PRKCSH: variants seen among roughly 807,000 people sequenced by gnomAD.
The protein encoded by PRKCSH is PRKCSH beta subunit of glucosidase II.
In PRKCSH, 42 loss-of-function variants were observed where a neutral mutation model predicts 79.7. The ratio of observed to expected loss-of-function variants is 0.53; its 90% CI spans 0.41 to 0.68. The LOEUF (loss-of-function observed/expected upper bound fraction) is 0.68. PRKCSH is among the 30% of genes least tolerant of loss of function. The pLI, the probability that PRKCSH is intolerant of heterozygous loss-of-function variation, is 0.00. For synonymous variants in PRKCSH, 325 were observed against 288.2 expected (o/e 1.13, Z -1.29); for missense variants, 686 against 709.0 (o/e 0.97, Z 0.37).
chr19:11,438,934 G>T (rs1362214584), intron 5 of PRKCSH, among the ~76,000 whole-genome samples: 1 of 151,638 alleles, frequency 6.6e-6, no homozygotes, highest in East Asian at 1.9e-4. Context: ...TTGAGACAGG[G>T]TCTCACTCTG....
intron 3 of PRKCSH, among the ~76,000 whole-genome samples, chr19:11,437,265 C>T (rs1249526391): frequency 1.4e-5 from 2 of 147,182 alleles, no homozygotes; most frequent in East Asian, 4.1e-4. Context: ...GTCTCGATCT[C>T]GTCACCTTGT....
chr19:11,446,792 C>T (rs1190472064), intron 9 of PRKCSH, among the ~76,000 whole-genome samples: 2 of 152,220 alleles, frequency 1.3e-5, no homozygotes, highest in African/African-American at 4.8e-5. Flanking sequence ...CCTCTCTGGT[C>T]CTGGGCTCTC....
chr19:11,439,955 C>T (rs1041945096), intron 5 of PRKCSH, among the ~76,000 whole-genome samples: 12 of 151,044 alleles, frequency 7.9e-5, no homozygotes, highest in East Asian at 2.0e-4. Flanking sequence ...TGTGTTGGTG[C>T]GTGTCTGTAG....
In PRKCSH at chr19:11,448,218, C is replaced by G. The variant is rs200015811; in HGVS notation, c.1127-4C>G. 139 of 1,556,408 alleles carry G rather than the reference C, an allele frequency of 8.9e-5. No homozygotes were observed. In the African/African-American group the frequency reaches 1.5e-3, roughly 17 times the overall value. On this transcript the variant is annotated splice_polypyrimidine_tract_variant and splice_region_variant and intron_variant, in intron 12 of 17. Transcript: ENST00000677123. This position sits in a 1 kb window ranked among gnomAD's most constrained non-coding sequence, Gnocchi z 4.4. Reference sequence around the variant, plus strand: ...ACATCTCTGACCTCCAACCCCTCTCCCAGCTGCCCAGGAGGCCCGCAACAA... The same window carrying G: ...ACATCTCTGACCTCCAACCCCTCTCGCAGCTGCCCAGGAGGCCCGCAACAA...
In PRKCSH at chr19:11,449,306, C is replaced by T; in HGVS notation, c.1502C>T (p.Thr501Ile). The change falls in exon 17 of 18, where the codon ACC (threonine) becomes ATC (isoleucine). Residue 501 changes from threonine to isoleucine, a missense_variant. Thr to Ile is a moderately conservative substitution (Grantham distance 89). Coordinates refer to ENST00000677123, the MANE Select transcript of PRKCSH (RefSeq NM_001289104.2). This position sits in a 1 kb window ranked among gnomAD's most constrained non-coding sequence, Gnocchi z 6.4. ...GGGAAAGAGACCATGGTGACCAGCA[C>T]CACAGAGCCCAGTCGCTGCGAGTAC... Reference protein sequence around the residue: ...LCGKETMVTSTTEPSRCEYLM... With the variant: ...LCGKETMVTSITEPSRCEYLM... 1 of 1,613,692 alleles carries T rather than the reference C, an allele frequency of 6.2e-7. No individual in the cohort carries two copies. Among genetic ancestry groups the T allele is most frequent in the Non-Finnish European group, 8.5e-7 (1 of 1,179,968 alleles).
chr19:11,446,429 A>G, intron 9 of PRKCSH, 79 bp downstream of exon 9: 5 of 1,496,966 alleles, frequency 3.3e-6, no homozygotes, highest in Non-Finnish European at 4.6e-6. Flanking sequence ...GAGGGGGACC[A>G]AGGAAAGCTC....
intron 8 of PRKCSH, 127 bp from the exon 9 acceptor site, chr19:11,446,145 C>T: frequency 2.0e-6 from 2 of 981,790 alleles, no homozygotes; most frequent in East Asian, 2.6e-5. Flanking sequence ...GGCCCCTACA[C>T]CTTGAGGTCC....
intron 3 of PRKCSH, 29 bp downstream of exon 3, chr19:11,436,534 A>G: frequency 6.5e-7 from 1 of 1,538,734 alleles, no homozygotes; most frequent in Non-Finnish European, 9.0e-7. Context: ...CATCCATCAG[A>G]TGTTTATTGA....
chr19:11,440,609 C>CTGG, intron 5 of PRKCSH, among the ~76,000 whole-genome samples: 1 of 151,964 alleles, frequency 6.6e-6, no homozygotes, highest in East Asian at 1.9e-4. Context: ...GGCGCCACCA[C>CTGG]GCCCAGCTAA....
chr19:11,447,654 T>TG lies in PRKCSH; in HGVS notation c.1030-34dup. 1 of 1,562,870 alleles carries TG rather than the reference T, an allele frequency of 6.4e-7. No homozygotes were observed. Among genetic ancestry groups the TG allele is most frequent in the Admixed American group, 1.9e-5 (1 of 53,368 alleles). On this transcript the variant is annotated intron_variant, in intron 11 of 17. Coordinates refer to ENST00000677123, the MANE Select transcript of PRKCSH (RefSeq NM_001289104.2). The surrounding 1 kb of genome is among the most constrained non-coding windows in gnomAD (Gnocchi z 5.6). The stretch of plus-strand genomic sequence containing the variant: ...GGGGGAGAAGTGGAGACAGAGAGGG[T>TG]GGGGGAAGGGCTACTCACTGACCCT...
Position 11,447,421 on chromosome 19 carries a change from G to T in PRKCSH, c.850-18G>T. On this transcript the variant is annotated intron_variant, in intron 10 of 17. Transcript: ENST00000677123. This position sits in a 1 kb window ranked among gnomAD's most constrained non-coding sequence, Gnocchi z 5.6. ...GGACCCTGAGTCCACAACACCGACC[G>T]CACTGCTCACCCGCCAGGCACTGCC... 6.2e-7 allele frequency: 1 copy of T among 1,612,408 alleles called. No homozygotes were observed. The highest frequency in any genetic ancestry group is 8.5e-7 in the Non-Finnish European group (1 of 1,178,896).
rs917708419 is a variant in PRKCSH, at chr19:11,445,435, T to C, written c.645T>C (p.Ala215=). Residue 215 remains alanine, a synonymous_variant, in exon 8 of 18, where the codon GCT becomes GCC. Coordinates refer to ENST00000677123, the MANE Select transcript of PRKCSH (RefSeq NM_001289104.2). The stretch of plus-strand genomic sequence containing the variant: ...CCCAACAGGAGCAGGAGCTGGCGGC[T>C]GATGCCTTCAAGGAGCTGGATGATG... The part of the protein sequence containing the change: ...AKAQQEQELA[A]DAFKELDDDM... 3.7e-6 allele frequency: 6 copies of C among 1,613,936 alleles called. No individual in the cohort carries two copies. The highest frequency in any genetic ancestry group is 2.7e-5 in the African/African-American group (2 of 74,924).
chr19:11,445,777 A>G, intron 8 of PRKCSH: 1 of 496,914 alleles, frequency 2.0e-6, no homozygotes, highest in Non-Finnish European at 3.7e-6. Context: ...GCTCTGGGGA[A>G]AGCCAGACCT....
At position 11,435,694 on chromosome 19, in the gene PRKCSH, GCTC is replaced by G; in HGVS notation, c.-88_-86del. ...AGGGGTGCGGTGGATACTGACCTTT[GCTC>G]CGGCCTCGTGTAGGTGTGAACGAGC... On this transcript the variant is annotated 5_prime_UTR_variant, in exon 1 of 18. Transcript: ENST00000677123. 7.6e-7 allele frequency: 1 copy of G among 1,312,140 alleles called. No homozygotes were observed. The highest frequency in any genetic ancestry group is 1.0e-6 in the Non-Finnish European group (1 of 1,004,582). 81.3% of individuals were successfully genotyped at this position (1,312,140 alleles called of 1,614,324 possible). A position where few individuals can be genotyped will look rare whatever the true frequency, so the allele number is the denominator to read the frequency against.
At chr19:11,438,218 T>C in intron 5 of PRKCSH, 94 bp downstream of exon 5, 1 of 1,372,062 alleles carries the variant, frequency 7.3e-7, no homozygotes, top group African/African-American at 1.4e-5. Flanking sequence ...TCTGCTTTTC[T>C]GTATCGGGTT....
chr19:11,442,555 G>T, intron 7 of PRKCSH, 40 bp downstream of exon 7: 6 of 1,601,558 alleles, frequency 3.7e-6, no homozygotes, highest in Non-Finnish European at 5.1e-6. Flanking sequence ...TCAGTCCTGG[G>T]TGGGAGCAGG....
At chr19:11,445,605 C>T (rs1027631361) in intron 8 of PRKCSH, 132 bp downstream of exon 8, 5 of 851,244 alleles carry the variant, frequency 5.9e-6, no homozygotes, top group Non-Finnish European at 9.6e-6. Flanking sequence ...GATCCCAAGC[C>T]CCGTGTGACC....
chr19:11,437,128 C>A (rs1192968743), intron 3 of PRKCSH, among the ~76,000 whole-genome samples: 1 of 152,030 alleles, frequency 6.6e-6, no homozygotes, highest in Non-Finnish European at 1.5e-5. Flanking sequence ...CTCCGCCTCC[C>A]GGGTTCACAC....
In PRKCSH at chr19:11,436,128, CGCT is replaced by C. The variant is rs773220527; in HGVS notation, c.24_26del (p.Leu9del). On this transcript the variant is annotated inframe_deletion, in exon 2 of 18. Transcript: ENST00000677123. ...AGAGCGTCTGGTGAGATGCTGTTGC[CGCT>C]GCTGCTGCTGCTACCCATGTGCTGG... 3.0e-5 allele frequency: 49 copies of C among 1,608,260 alleles called. No individual in the cohort carries two copies. Among genetic ancestry groups the C allele is most frequent in the Non-Finnish European group, 2.4e-5 (28 of 1,179,404 alleles).
Sources: gnomAD v4.1 joint callset for allele counts (sites outside exome capture counted in the v4.1 genomes callset) on GRCh38, gnomAD v4.1.1 for gene constraint, Gnocchi (gnomAD v3.1) non-coding constraint, MANE v1.5 for transcripts, NCBI Gene and HGNC (gene_info 2026-07-23, HGNC 2026-07-21) for gene names.